CYP39A1: variants seen among roughly 807,000 people sequenced by gnomAD.
CYP39A1 encodes 24-hydroxycholesterol 7-alpha-hydroxylase.
In CYP39A1, 49 loss-of-function variants were observed where a neutral mutation model predicts 58.1. The ratio of observed to expected loss-of-function variants is 0.84; its 90% CI spans 0.67 to 1.07. The LOEUF (loss-of-function observed/expected upper bound fraction) is 1.07, where lower values mean the gene tolerates loss of function less well. Ranked by LOEUF, CYP39A1 falls within the 50% of genes least tolerant of loss-of-function variation. The pLI is 0.00. For missense variants in CYP39A1, 531 were observed against 539.4 expected (o/e 0.98, Z 0.16); for synonymous variants, 209 against 187.6 (o/e 1.11, Z -0.93).
intron 2 of CYP39A1, among the ~76,000 whole-genome samples, chr6:46,640,569 T>C (rs898275395): frequency 6.6e-6 from 1 of 152,314 alleles, no homozygotes; most frequent in Admixed American, 6.5e-5. Context: ...ATATTTTTAT[T>C]TTATCTTGTT....
At chr6:46,575,438 G>A (rs372076314) in intron 10 of CYP39A1, among the ~76,000 whole-genome samples, 103 of 152,312 alleles carry the variant, frequency 6.8e-4, no homozygotes, top group African/African-American at 2.5e-3. Flanking sequence ...ACCACATGCA[G>A]CCCAGCCTCA....
intron 10 of CYP39A1, among the ~76,000 whole-genome samples, chr6:46,560,088 A>T (rs1158785889): frequency 6.6e-6 from 1 of 152,216 alleles, no homozygotes; most frequent in Non-Finnish European, 1.5e-5. Flanking sequence ...GTGACATTTT[A>T]TCAGACCCTA....
At chr6:46,577,302 C>T (rs1055080295) in intron 10 of CYP39A1, among the ~76,000 whole-genome samples, 3 of 152,140 alleles carry the variant, frequency 2.0e-5, no homozygotes, top group Non-Finnish European at 1.5e-5. Context: ...AATCAAAGAT[C>T]ATTATCTGCC....
At chr6:46,588,480 C>A (rs1030289206) in intron 8 of CYP39A1, among the ~76,000 whole-genome samples, 2 of 151,872 alleles carry the variant, frequency 1.3e-5, no homozygotes, top group Non-Finnish European at 2.9e-5. Context: ...TTCTAATGTA[C>A]CTTTTGATGT....
intron 6 of CYP39A1, among the ~76,000 whole-genome samples, chr6:46,627,462 A>G (rs184642339): frequency 6.7e-6 from 1 of 150,334 alleles, no homozygotes; most frequent in East Asian, 2.0e-4. Flanking sequence ...TCTGTTGCCT[A>G]GGCTGGAGTG....
intron 11 of CYP39A1, among the ~76,000 whole-genome samples, chr6:46,551,691 T>C (rs569643220): frequency 6.6e-6 from 1 of 152,296 alleles, no homozygotes; most frequent in South Asian, 2.1e-4. Flanking sequence ...GTAAATTCCT[T>C]CAGGGGAGTT....
chr6:46,609,360 G>A (rs994697121), intron 7 of CYP39A1, among the ~76,000 whole-genome samples: 5 of 148,334 alleles, frequency 3.4e-5, no homozygotes, highest in African/African-American at 5.1e-5. Context: ...CTGAGTCCGC[G>A]CCACTGAGTC....
chr6:46,591,487 T>C (rs939762500), intron 8 of CYP39A1, among the ~76,000 whole-genome samples: 3 of 152,108 alleles, frequency 2.0e-5, no homozygotes, highest in African/African-American at 7.2e-5. Context: ...CTCTTCTTTT[T>C]ATAAAATAAA....
At position 46,625,900 on chromosome 6, in the gene CYP39A1, T is replaced by G. The variant is rs541545962; in HGVS notation, c.841-392A>C. ...ATTAATCCAAAACAAAAACATTTCT[T>G]AAGATTTAATTTCCTTAGAATACAA... is the stretch of plus-strand genomic sequence containing the variant. On this transcript the variant is annotated intron_variant, in intron 6 of 11. Transcript: ENST00000275016. Among the ~76,000 whole-genome samples the G allele has an allele frequency of 7.9e-5, 12 of 152,202 alleles. No homozygotes were observed. The East Asian group carries it at 1.2e-3, about 15-fold the overall frequency.
At chr6:46,603,138 G>A (rs1032958910) in intron 7 of CYP39A1, among the ~76,000 whole-genome samples, 1 of 152,114 alleles carries the variant, frequency 6.6e-6, no homozygotes, top group Non-Finnish European at 1.5e-5. Context: ...GTATGAGTTG[G>A]CAAATTATGG....
intron 1 of CYP39A1, among the ~76,000 whole-genome samples, chr6:46,643,503 A>G (rs1351235986): frequency 6.6e-6 from 1 of 152,226 alleles, no homozygotes; most frequent in African/African-American, 2.4e-5. Flanking sequence ...GCTTTCTAAC[A>G]TTCCTATCTG....
At chr6:46,583,567 T>G (rs945346557) in intron 10 of CYP39A1, 1 of 985,386 alleles carries the variant, frequency 1.0e-6, no homozygotes, top group Middle Eastern at 5.2e-4. Flanking sequence ...ATGCTGCTCT[T>G]TCCTGTTTGT....
At chr6:46,560,147 G>T (rs1320419595) in intron 10 of CYP39A1, among the ~76,000 whole-genome samples, 1 of 152,180 alleles carries the variant, frequency 6.6e-6, no homozygotes, top group African/African-American at 2.4e-5. Flanking sequence ...TCCAGAGTTA[G>T]AAGAATGAGA....
chr6:46,627,177 A>G (rs1775362832), intron 6 of CYP39A1, among the ~76,000 whole-genome samples: 1 of 152,162 alleles, frequency 6.6e-6, no homozygotes, highest in Non-Finnish European at 1.5e-5. Context: ...AACTGTCCCC[A>G]TTATCCAATC....
At chr6:46,577,657 C>T (rs1412903250) in intron 10 of CYP39A1, among the ~76,000 whole-genome samples, 4 of 151,948 alleles carry the variant, frequency 2.6e-5, no homozygotes, top group Admixed American at 1.3e-4. Flanking sequence ...AGACTTTAAA[C>T]CAACAATGCT....
intron 5 of CYP39A1, among the ~76,000 whole-genome samples, chr6:46,635,938 A>G (rs1052250840): frequency 5.3e-5 from 8 of 152,120 alleles, no homozygotes; most frequent in Non-Finnish European, 1.2e-4. Context: ...AGAACCACAG[A>G]TCTGGAATAA....
chr6:46,556,293 G>A (rs1397427867), intron 10 of CYP39A1, among the ~76,000 whole-genome samples: 2 of 152,154 alleles, frequency 1.3e-5, no homozygotes, highest in Non-Finnish European at 2.9e-5. Flanking sequence ...AAAACTCACA[G>A]GTCTGAGAGT....
chr6:46,564,128 C>T (rs145752131), intron 10 of CYP39A1, among the ~76,000 whole-genome samples: 5,863 of 115,160 alleles, frequency 0.051, 458 homozygotes, highest in African/African-American at 0.17. Context: ...CTATTTTATT[C>T]TATTTTATTC....
chr6:46,552,028 A>G (rs1300726378), intron 11 of CYP39A1, among the ~76,000 whole-genome samples: 1 of 152,232 alleles, frequency 6.6e-6, no homozygotes, highest in African/African-American at 2.4e-5. Flanking sequence ...TAGGACATAT[A>G]TAAAATAGTA....
Sources: allele counts gnomAD v4.1 joint callset (sites outside exome capture counted in the v4.1 genomes callset), GRCh38; gene constraint gnomAD v4.1.1; transcripts MANE v1.5; gene names NCBI Gene and HGNC (gene_info 2026-07-23, HGNC 2026-07-21).